The following DEFB119 variants were observed in gnomAD, a reference collection of about 807,000 sequenced individuals.
DEFB119 encodes beta-defensin 119.
DEFB119 carries 3 observed loss-of-function variants against 2.5 expected under a neutral mutation model. The ratio of observed to expected loss-of-function variants is 1.19; its 90% CI spans 0.54 to 3.07. The LOEUF is 3.07. Ranked by LOEUF, DEFB119 falls within the 30% of genes most tolerant of loss-of-function variation. DEFB119 has a pLI of 0.03. For synonymous variants in DEFB119, 29 were observed against 33.7 expected (o/e 0.86, Z 0.48); for missense variants, 113 against 101.1 (o/e 1.12, Z -0.50).
chr20:31,378,176 C>T (rs1282826585), intron 1 of DEFB119, among the ~76,000 whole-genome samples: 1 of 152,214 alleles, frequency 6.6e-6, no homozygotes, highest in African/African-American at 2.4e-5. Flanking sequence ...CTCCACTTCC[C>T]TGATGGGGTG....
chr20:31,384,195 T>C (rs1025476032), intron 1 of DEFB119, among the ~76,000 whole-genome samples: 4 of 152,142 alleles, frequency 2.6e-5, no homozygotes, highest in Admixed American at 6.5e-5. Flanking sequence ...TATAATTCCA[T>C]AGAATGAATA....
intron 1 of DEFB119, among the ~76,000 whole-genome samples, chr20:31,378,020 A>G (rs1022989169): frequency 1.3e-5 from 2 of 152,196 alleles, no homozygotes; most frequent in African/African-American, 2.4e-5. Flanking sequence ...AAGGAGGTGT[A>G]ACCTCCCAGA....
At chr20:31,378,455 T>A in intron 1 of DEFB119, 1 of 1,606,794 alleles carries the variant, frequency 6.2e-7, no homozygotes, top group Non-Finnish European at 8.5e-7. Flanking sequence ...CATAACATAA[T>A]AATATCAAAA....
intron 1 of DEFB119, chr20:31,378,233 A>T: frequency 6.7e-7 from 1 of 1,485,038 alleles, no homozygotes; most frequent in Middle Eastern, 1.8e-4. Flanking sequence ...ACCACCACAC[A>T]GTAGTAACAG....
At chr20:31,380,369 G>A (rs981002282) in intron 1 of DEFB119, among the ~76,000 whole-genome samples, 1 of 152,084 alleles carries the variant, frequency 6.6e-6, no homozygotes, top group Non-Finnish European at 1.5e-5. Flanking sequence ...GGACTCAAGC[G>A]ATCTTCCCAC....
intron 1 of DEFB119, among the ~76,000 whole-genome samples, chr20:31,380,995 C>G (rs1986485478): frequency 6.6e-6 from 1 of 152,098 alleles, no homozygotes; most frequent in East Asian, 1.9e-4. Flanking sequence ...GACATAAATG[C>G]CTATGTCAAT....
At chr20:31,388,974 T>C (rs755301489) in intron 1 of DEFB119, 1 of 1,599,268 alleles carries the variant, frequency 6.3e-7, no homozygotes, top group South Asian at 1.1e-5. Flanking sequence ...GAAACAAATT[T>C]GTGAGTTTTA....
chr20:31,379,247 C>G (rs1344421289), intron 1 of DEFB119, among the ~76,000 whole-genome samples: 1 of 152,104 alleles, frequency 6.6e-6, no homozygotes, highest in African/African-American at 2.4e-5. Flanking sequence ...TGTCGGAAGG[C>G]ATTAAAAGAC....
At chr20:31,377,509 C>A in intron 1 of DEFB119, 70 bp from the exon 2 acceptor site, 1 of 1,517,404 alleles carries the variant, frequency 6.6e-7, no homozygotes, top group Non-Finnish European at 8.9e-7. Context: ...AGTCGGGAAG[C>A]ATCATAAAAA....
At chr20:31,378,242 AG>A in intron 1 of DEFB119, 1 of 1,534,504 alleles carries the variant, frequency 6.5e-7, no homozygotes, top group Non-Finnish European at 9.0e-7. Context: ...CAGTAGTAAC[AG>A]GGCCACCACT....
chr20:31,383,228 G>A (rs1405596869), intron 1 of DEFB119, among the ~76,000 whole-genome samples: 2 of 152,106 alleles, frequency 1.3e-5, no homozygotes, highest in South Asian at 4.1e-4. Context: ...TTCCTGTGCT[G>A]TTCTTGGGAT....
Position 31,377,447 on chromosome 20 carries a change from A to G in DEFB119, c.62-8T>C. The G allele has an allele frequency of 6.2e-7, 1 of 1,607,912 alleles. No homozygotes were observed. The highest frequency in any genetic ancestry group is 8.5e-7 in the Non-Finnish European group (1 of 1,177,032). On this transcript the variant is annotated splice_polypyrimidine_tract_variant and splice_region_variant and intron_variant, in intron 1 of 1. Coordinates refer to ENST00000376321, the MANE Select transcript of DEFB119 (RefSeq NM_153289.4). ...GAAGGATGTGGCGTTTGCCTGCCAA[A>G]GGAAAAAAAATACAAATAGTTAATT...
At chr20:31,377,505 G>T in intron 1 of DEFB119, 66 bp from the exon 2 acceptor site, 1 of 1,527,810 alleles carries the variant, frequency 6.5e-7, no homozygotes, top group Non-Finnish European at 8.8e-7. Context: ...GATAAGTCGG[G>T]AAGCATCATA....
chr20:31,385,901 A>T (rs980520297), intron 1 of DEFB119, among the ~76,000 whole-genome samples: 1 of 151,952 alleles, frequency 6.6e-6, no homozygotes, highest in Non-Finnish European at 1.5e-5. Context: ...ATAGTGAGAC[A>T]GAGTTTATGT....
At chr20:31,385,389 A>AC (rs1986657707) in intron 1 of DEFB119, among the ~76,000 whole-genome samples, 1 of 151,808 alleles carries the variant, frequency 6.6e-6, no homozygotes, top group Admixed American at 6.6e-5. Context: ...AAAAAAAAAA[A>AC]AAACACAGTT....
At chr20:31,377,556 T>C (rs911983583) in intron 1 of DEFB119, 117 bp from the exon 2 acceptor site, 99 of 1,083,726 alleles carry the variant, frequency 9.1e-5, no homozygotes, top group Non-Finnish European at 1.2e-4. Flanking sequence ...TAAAGGACAA[T>C]AGTGACTTCT....
Position 31,377,285 on chromosome 20 carries a change from G to A in DEFB119, c.216C>T (p.Thr72=), listed in dbSNP as rs888323487. ...RISISGKEEN[T]DWSYEKQWPR... ...GCCACTGCTTCTCATAAGACCAGTC[G>A]GTATTTTCCTCTTTGCCAGAAATGC... The change falls in exon 2 of 2, where the codon ACC becomes ACT. Residue 72 remains threonine (T), a synonymous_variant. Coordinates refer to ENST00000376321, the MANE Select transcript of DEFB119 (RefSeq NM_153289.4). 22 of 1,613,684 alleles carry A rather than the reference G, an allele frequency of 1.4e-5. No individual in the cohort carries two copies. Among genetic ancestry groups the A allele is most frequent in the Middle Eastern group, 3.3e-4 (2 of 6,068 alleles).
At chr20:31,383,293 T>C (rs538669200) in intron 1 of DEFB119, among the ~76,000 whole-genome samples, 1 of 152,152 alleles carries the variant, frequency 6.6e-6, no homozygotes, top group Admixed American at 6.5e-5. Context: ...CCTGTAATCC[T>C]AGCACTTTGG....
intron 1 of DEFB119, among the ~76,000 whole-genome samples, chr20:31,385,437 C>T (rs1986660744): frequency 6.7e-6 from 1 of 150,180 alleles, no homozygotes; most frequent in African/African-American, 2.5e-5. Flanking sequence ...GTGACTTGGG[C>T]TAATTATGTC....
Sources: gnomAD v4.1 joint callset for allele counts (sites outside exome capture counted in the v4.1 genomes callset) on GRCh38, gnomAD v4.1.1 for gene constraint, MANE v1.5 for transcripts, NCBI Gene and HGNC (gene_info 2026-07-23, HGNC 2026-07-21) for gene names.